Variants in PSTPIP1 observed in about 807,000 individuals in gnomAD.
PSTPIP1 encodes the protein proline-serine-threonine phosphatase interacting protein 1.
In PSTPIP1, 66 loss-of-function variants were observed where a neutral mutation model predicts 69.6. That is an observed-to-expected ratio of 0.95 (90% CI 0.78 to 1.16). The LOEUF is 1.16. PSTPIP1 is among the 50% of genes most tolerant of loss of function. The pLI is 0.00. For missense variants in PSTPIP1, 603 were observed against 557.4 expected, an observed-to-expected ratio of 1.08 and a Z score of -0.82; for synonymous variants, 266 against 222.7, an observed-to-expected ratio of 1.19 and a Z score of -1.73.
At chr15:77,033,334 C>T (rs2076468289) in intron 12 of PSTPIP1, among the ~76,000 whole-genome samples, 1 of 152,168 alleles carries the variant, frequency 6.6e-6, no homozygotes, top group African/African-American at 2.4e-5. Context: ...CAGGCTTTTC[C>T]AGGGCTCCTT....
At chr15:77,002,722 G>C (rs1179315552) in intron 1 of PSTPIP1, among the ~76,000 whole-genome samples, 1 of 152,180 alleles carries the variant, frequency 6.6e-6, no homozygotes, top group African/African-American at 2.4e-5. Context: ...CTGGCTGCAG[G>C]GTTCTGGGTC....
intron 6 of PSTPIP1, 164 bp from the exon 7 acceptor site, chr15:77,028,390 T>C (rs1278788624): frequency 5.2e-5 from 30 of 581,202 alleles, no homozygotes; most frequent in Non-Finnish European, 1.8e-5. Flanking sequence ...ACGCCTTCTC[T>C]ATCTCCTTCC....
rs1367132099 is a variant in PSTPIP1 at position 77,035,756 on chromosome 15, C to T, written c.986-46C>T. 2.8e-6 allele frequency: 4 copies of T among 1,442,938 alleles called. No individual in the cohort carries two copies. The African/African-American group carries it at 8.2e-5, about 30-fold the overall frequency. The allele number at this position is 1,442,938 out of a possible 1,614,324, so 89.4% of individuals were successfully genotyped here. A position where few individuals can be genotyped will look rare whatever the true frequency, so the allele number is the denominator to read the frequency against. On this transcript the variant is annotated intron_variant, in intron 13 of 14. Coordinates refer to ENST00000558012, the MANE Select transcript of PSTPIP1 (RefSeq NM_003978.5). Reference sequence around the variant, plus strand: ...CCATTCTAGTAGGACTTCCAGGGGCCAGTGTCCCCAGAAGGGGAGGGGTCT... The same window carrying T: ...CCATTCTAGTAGGACTTCCAGGGGCTAGTGTCCCCAGAAGGGGAGGGGTCT...
chr15:77,024,761 A>G (rs1017161623), intron 3 of PSTPIP1, among the ~76,000 whole-genome samples: 5 of 139,212 alleles, frequency 3.6e-5, no homozygotes, highest in Non-Finnish European at 7.7e-5. Flanking sequence ...TCCCTGGCAG[A>G]CAGTGCCCAC....
intron 7 of PSTPIP1, 42 bp downstream of exon 7, chr15:77,028,694 G>C (rs1023184406): frequency 2.7e-6 from 4 of 1,455,318 alleles, no homozygotes; most frequent in Middle Eastern, 3.8e-4. Context: ...CCAGGGCTGG[G>C]GGCAGTGGGG....
chr15:77,035,062 A>C (rs1283563564), intron 12 of PSTPIP1, among the ~76,000 whole-genome samples: 1 of 151,962 alleles, frequency 6.6e-6, no homozygotes, highest in African/African-American at 2.4e-5. Context: ...GTGGCAGTGC[A>C]CCCCCCACCC....
intron 1 of PSTPIP1, among the ~76,000 whole-genome samples, chr15:77,012,987 C>G (rs1045776842): frequency 6.6e-6 from 1 of 152,182 alleles, no homozygotes; most frequent in African/African-American, 2.4e-5. Flanking sequence ...TGAAAGACCC[C>G]CCTCTGCCTC....
At chr15:77,015,736 G>A (rs566243222) in intron 1 of PSTPIP1, 67 of 357,944 alleles carry the variant, frequency 1.9e-4, no homozygotes, top group South Asian at 1.3e-3. Flanking sequence ...GGGTGGGGGT[G>A]AAGGAGGAGG....
intron 1 of PSTPIP1, among the ~76,000 whole-genome samples, chr15:77,000,474 T>TAC (rs1392298244): frequency 3.4e-5 from 5 of 145,228 alleles, no homozygotes; most frequent in African/African-American, 1.4e-4. Flanking sequence ...TATATATATA[T>TAC]ATACACACAC....
chr15:76,994,981 T>C, upstream of PSTPIP1: 1 of 1,184,340 alleles, frequency 8.4e-7, no homozygotes, highest in Non-Finnish European at 1.1e-6. Flanking sequence ...ATATGGCCTC[T>C]GGAATAAAGT....
At chr15:77,014,531 T>A (rs1435625519) in intron 1 of PSTPIP1, among the ~76,000 whole-genome samples, 1 of 151,904 alleles carries the variant, frequency 6.6e-6, no homozygotes, top group East Asian at 1.9e-4. Context: ...CGAAAGGGGG[T>A]TAGCCTCCTG....
Position 77,025,318 on chromosome 15 carries a change from C to A in PSTPIP1, c.247C>A (p.Gln83Lys), listed in dbSNP as rs377719165. ...LRASFDSLKQQMENVGSSHIQ... is the reference protein window; with the variant it reads ...LRASFDSLKQKMENVGSSHIQ... ...GGCCTCCTTTGACTCCTTGAAGCAG[C>A]GTAAGTCCCCTACCCTGGGGCAATG... Residue 83 changes from glutamine (Q) to lysine (K), a missense_variant and splice_region_variant, in exon 4 of 15, where the codon CAA (glutamine) becomes AAA (lysine). Coordinates refer to ENST00000558012, the MANE Select transcript of PSTPIP1 (RefSeq NM_003978.5). 6.2e-7 allele frequency: 1 copy of A among 1,608,898 alleles called. No individual in the cohort carries two copies. The highest frequency in any genetic ancestry group is 1.1e-5 in the South Asian group (1 of 90,974).
chr15:76,999,934 T>C (rs1483733854), intron 1 of PSTPIP1, among the ~76,000 whole-genome samples: 1 of 152,186 alleles, frequency 6.6e-6, no homozygotes, highest in African/African-American at 2.4e-5. Flanking sequence ...CTATTCCTTT[T>C]AGGGTAGTTA....
At chr15:77,018,004 C>A in intron 1 of PSTPIP1, 144 bp from the exon 2 acceptor site, 1 of 732,770 alleles carries the variant, frequency 1.4e-6, no homozygotes, top group Non-Finnish European at 2.2e-6. Flanking sequence ...AAAGCCAGGT[C>A]TGGAGTCCCA....
intron 3 of PSTPIP1, among the ~76,000 whole-genome samples, chr15:77,019,324 T>A (rs1179064780): frequency 6.6e-6 from 1 of 152,136 alleles, no homozygotes; most frequent in Non-Finnish European, 1.5e-5. Context: ...GGCCTCCAAC[T>A]TCTTGAAAGG....
chr15:77,035,239 C>T (rs1596138108), intron 12 of PSTPIP1, among the ~76,000 whole-genome samples: 1 of 152,174 alleles, frequency 6.6e-6, no homozygotes, highest in South Asian at 2.1e-4. Flanking sequence ...CTCCCAAGGG[C>T]CCTGCAGGGA....
chr15:77,011,543 C>T (rs764970796), intron 1 of PSTPIP1, among the ~76,000 whole-genome samples: 3 of 152,218 alleles, frequency 2.0e-5, no homozygotes, highest in South Asian at 2.1e-4. Flanking sequence ...AACAAAGAGT[C>T]GCTCATCTGA....
At chr15:77,019,758 T>C (rs1596088523) in intron 3 of PSTPIP1, among the ~76,000 whole-genome samples, 1 of 109,684 alleles carries the variant, frequency 9.1e-6, no homozygotes, top group African/African-American at 2.7e-5. Context: ...GAGGGCCGGG[T>C]GCAGGCTGGG....
chr15:77,033,859 T>G (rs576504941), intron 12 of PSTPIP1, among the ~76,000 whole-genome samples: 51 of 152,134 alleles, frequency 3.4e-4, no homozygotes, highest in Non-Finnish European at 6.3e-4. Flanking sequence ...GTGCAAGCAG[T>G]GACCCCAGGA....
Sources: allele counts gnomAD v4.1 joint callset (sites outside exome capture counted in the v4.1 genomes callset), GRCh38; gene constraint gnomAD v4.1.1; transcripts MANE v1.5; gene names NCBI Gene and HGNC (gene_info 2026-07-23, HGNC 2026-07-21).